The following ZWILCH variants were observed in gnomAD, a reference collection of about 807,000 sequenced individuals.
The protein encoded by ZWILCH is protein zwilch homolog.
A neutral mutation model predicts 79.9 loss-of-function variants in ZWILCH; 74 were observed. The observed-to-expected ratio is 0.93, with a 90% confidence interval of 0.77 to 1.12. The LOEUF is 1.12. ZWILCH is among the 50% of genes most tolerant of loss of function. The pLI is 0.00. For missense variants in ZWILCH, 694 were observed against 687.5 expected (o/e 1.01, Z -0.11); for synonymous variants, 241 against 228.2 (o/e 1.06, Z -0.51).
At chr15:66,532,873 A>G in intron 13 of ZWILCH, 112 bp from the exon 14 acceptor site, 2 of 729,912 alleles carry the variant, frequency 2.7e-6, no homozygotes, top group Non-Finnish European at 4.0e-6. Flanking sequence ...TAGATTCCTT[A>G]ATATGTAATT....
chr15:66,546,941 A>T (rs1256836410), intron 18 of ZWILCH: 1 of 192,634 alleles, frequency 5.2e-6, no homozygotes, highest in African/African-American at 2.3e-5. Context: ...AATAAAAAAA[A>T]ATTCTTGAGT....
rs147926670 is a variant in ZWILCH at position 66,521,180 on chromosome 15, C to T, written c.722C>T (p.Pro241Leu). 2.5e-6 allele frequency: 4 copies of T among 1,612,788 alleles called. No individual in the cohort carries two copies. The highest frequency in any genetic ancestry group is 3.4e-6 in the Non-Finnish European group (4 of 1,180,028). The change falls in exon 7 of 19, where the codon CCT (proline) becomes CTT (leucine). Residue 241 changes from proline (P) to leucine (L), a missense_variant. By Grantham distance (98) the Pro-to-Leu change is moderately conservative. Coordinates refer to ENST00000307897, the MANE Select transcript of ZWILCH (RefSeq NM_017975.5). ...WSPVDEILQI[P>L]PLSSTATLNI... ...CCTGTGGATGAGATTCTTCAAATCCCTCCACTCTCTTCAACTGCAACTCTG... is the reference window on the plus strand; with the variant it reads ...CCTGTGGATGAGATTCTTCAAATCCTTCCACTCTCTTCAACTGCAACTCTG...
At chr15:66,532,170 G>C in intron 12 of ZWILCH, 77 bp from the exon 13 acceptor site, 10 of 1,159,180 alleles carry the variant, frequency 8.6e-6, no homozygotes, top group Non-Finnish European at 1.2e-5. Context: ...TGTAGCTACT[G>C]TAATTTGCTT....
At chr15:66,528,829 T>G (rs1249849860) in intron 10 of ZWILCH, 23 bp from the exon 11 acceptor site, 2 of 1,603,856 alleles carry the variant, frequency 1.2e-6, no homozygotes, top group Non-Finnish European at 1.7e-6. Context: ...CTGAGTATTC[T>G]CTGAAGGTTG....
intron 12 of ZWILCH, among the ~76,000 whole-genome samples, chr15:66,531,799 T>C (rs1481345897): frequency 6.6e-6 from 1 of 151,948 alleles, no homozygotes; most frequent in Non-Finnish European, 1.5e-5. Flanking sequence ...CCGAGTGCCA[T>C]GGCTCCTGCC....
chr15:66,525,134 C>T (rs963970936), intron 8 of ZWILCH, among the ~76,000 whole-genome samples: 25 of 152,194 alleles, frequency 1.6e-4, no homozygotes, highest in Admixed American at 1.4e-3. Context: ...GTGGTCCCAT[C>T]GTTCCTTCAA....
chr15:66,542,045 T>C (rs1012503292), intron 17 of ZWILCH, among the ~76,000 whole-genome samples: 5 of 152,206 alleles, frequency 3.3e-5, no homozygotes, highest in African/African-American at 1.2e-4. Flanking sequence ...ATTGTGCTGT[T>C]TTTTTCTAAG....
chr15:66,527,424 A>G (rs749436765), intron 9 of ZWILCH, 41 bp downstream of exon 9: 9 of 1,440,836 alleles, frequency 6.2e-6, no homozygotes, highest in African/African-American at 2.8e-5. Context: ...TATACTTGCT[A>G]TGTTTAAATA....
At chr15:66,519,528 C>T (rs1894413034) in intron 5 of ZWILCH, among the ~76,000 whole-genome samples, 2 of 152,184 alleles carry the variant, frequency 1.3e-5, no homozygotes, top group Admixed American at 1.3e-4. Flanking sequence ...GATCTCGGCT[C>T]ACTGCAACCT....
chr15:66,538,028 G>C (rs1895068375), intron 16 of ZWILCH, among the ~76,000 whole-genome samples: 1 of 152,220 alleles, frequency 6.6e-6, no homozygotes, highest in Admixed American at 6.5e-5. Flanking sequence ...GGGTATGACT[G>C]TGGGAGTGAG....
rs1894208479 is a variant in ZWILCH at position 66,515,204 on chromosome 15, C to G, written c.202-322C>G. Among the ~76,000 whole-genome samples the G allele has an allele frequency of 2.0e-5, 3 of 152,074 alleles. No individual in the cohort carries two copies. The South Asian group carries it at 6.2e-4, about 31-fold the overall frequency. On this transcript the variant is annotated intron_variant, in intron 3 of 18. Coordinates refer to ENST00000307897, the MANE Select transcript of ZWILCH (RefSeq NM_017975.5). Reference sequence around the variant, plus strand: ...GGCTTAAGTGATTCTCCTCCTCAGTCTCCCAGAATGCTGGGATTACAGGCA... The same window carrying G: ...GGCTTAAGTGATTCTCCTCCTCAGTGTCCCAGAATGCTGGGATTACAGGCA...
rs150431732 is a variant in ZWILCH at position 66,512,571 on chromosome 15, A to G, written c.106-1417A>G. Among the ~76,000 whole-genome samples, 432 of 152,126 alleles carry G rather than the reference A, an allele frequency of 2.8e-3. 3 individuals carry two copies. The highest frequency in any genetic ancestry group is 0.01 in the African/African-American group (419 of 41,496). On this transcript the variant is annotated intron_variant, in intron 2 of 18. Coordinates refer to ENST00000307897, the MANE Select transcript of ZWILCH (RefSeq NM_017975.5). Reference sequence around the variant, plus strand: ...CATATATTTATATTTAAACAGAGTTATATGCTTGGAAAAGGAACGTGTACC... The same window carrying G: ...CATATATTTATATTTAAACAGAGTTGTATGCTTGGAAAAGGAACGTGTACC...
At chr15:66,527,945 A>T (rs1465871916) in intron 10 of ZWILCH, 33 bp downstream of exon 10, 15 of 1,540,370 alleles carry the variant, frequency 9.7e-6, no homozygotes, top group Non-Finnish European at 1.3e-5. Flanking sequence ...AAATATACAC[A>T]GAAATAGCTT....
Position 66,505,384 on chromosome 15 carries a change from C to G in ZWILCH, c.46C>G (p.Leu16Val), listed in dbSNP as rs1402728256. The G allele has an allele frequency of 6.2e-7, 1 of 1,614,050 alleles. No homozygotes were observed. The highest frequency in any genetic ancestry group is 8.5e-7 in the Non-Finnish European group (1 of 1,180,020). The change falls in exon 1 of 19, where the codon CTC becomes GTC. Residue 16 changes from leucine (L) to valine (V), a missense_variant. Coordinates refer to ENST00000307897, the MANE Select transcript of ZWILCH (RefSeq NM_017975.5). ...CGCAGCAGAGGACTTTTATTCTCGT[C>G]TCCTTCAGTGAGTCTAGTCTCTTCT... Reference protein sequence around the residue: ...NCAAEDFYSRLLQKFNEEKKG... With the variant: ...NCAAEDFYSRVLQKFNEEKKG...
In ZWILCH at chr15:66,528,959, T is replaced by C; in HGVS notation, c.1075+2T>C. The C allele has an allele frequency of 1.2e-6, 2 of 1,609,420 alleles. No homozygotes were observed. Among genetic ancestry groups the C allele is most frequent in the Non-Finnish European group, 1.7e-6 (2 of 1,176,122 alleles). On this transcript the variant is annotated splice_donor_variant, in intron 11 of 18. Transcript: ENST00000307897. LOFTEE classifies it high-confidence loss of function. The stretch of plus-strand genomic sequence containing the variant: ...AACTGTGGTGCAAAATGAGCAGTAG[T>C]AGGTGTCCATCATGATTTAAATTTT...
chr15:66,517,430 G>GTGTGTATATATATATATATATA, intron 4 of ZWILCH, among the ~76,000 whole-genome samples: 5 of 66,518 alleles, frequency 7.5e-5, no homozygotes, highest in African/African-American at 3.1e-4. Flanking sequence ...GTGTGTGTGT[G>GTGTGTATATATATATATATATA]TATATATATA....
rs201172747 is a variant in ZWILCH at position 66,510,384 on chromosome 15, C to CA, written c.105+1507dup. Among the ~76,000 whole-genome samples the CA allele has an allele frequency of 4.1e-3, 320 of 77,446 alleles. 1 individual carries two copies. Among genetic ancestry groups the CA allele is most frequent in the Middle Eastern group, 0.018 (2 of 110 alleles). The allele number at this position is 77,446 out of a possible 152,430, so 50.8% of individuals were successfully genotyped here. ...CCTGGGCGACAGAGCGAGACTATCT[C>CA]AAAAAAAAAAAAAAATATCAATGAG... is the stretch of plus-strand genomic sequence containing the variant. On this transcript the variant is annotated intron_variant, in intron 2 of 18. Coordinates refer to ENST00000307897, the MANE Select transcript of ZWILCH (RefSeq NM_017975.5).
intron 2 of ZWILCH, among the ~76,000 whole-genome samples, chr15:66,513,475 AG>A (rs1894143650): frequency 6.6e-6 from 1 of 151,806 alleles, no homozygotes; most frequent in African/African-American, 2.4e-5. Context: ...CTGAGATGGG[AG>A]GATTGCTTGA....
At chr15:66,543,766 A>G (rs1376036540) in intron 17 of ZWILCH, among the ~76,000 whole-genome samples, 2 of 152,024 alleles carry the variant, frequency 1.3e-5, no homozygotes, top group Non-Finnish European at 1.5e-5. Context: ...CAGAAAAAAA[A>G]AAAAAAGTTC....
Sources: gnomAD v4.1 joint callset for allele counts (sites outside exome capture counted in the v4.1 genomes callset) on GRCh38, gnomAD v4.1.1 for gene constraint, MANE v1.5 for transcripts, NCBI Gene and HGNC (gene_info 2026-07-23, HGNC 2026-07-21) for gene names.